The following JAKMIP2 variants were observed in gnomAD, a reference collection of about 807,000 sequenced individuals.
The protein encoded by JAKMIP2 is janus kinase and microtubule-interacting protein 2.
Under a neutral mutation model 115.0 loss-of-function variants are expected in JAKMIP2, and 25 were observed. The ratio of observed to expected loss-of-function variants is 0.22; its 90% CI spans 0.16 to 0.30. The LOEUF (loss-of-function observed/expected upper bound fraction) is 0.30. JAKMIP2 is among the 10% of genes least tolerant of loss of function. The pLI is 1.00. For synonymous variants in JAKMIP2, 334 were observed against 343.6 expected (o/e 0.97, Z 0.31); for missense variants, 642 against 957.6 (o/e 0.67, Z 4.35).
chr5:147,619,564 A>T (rs1011559424), intron 18 of JAKMIP2, among the ~76,000 whole-genome samples: 3 of 152,192 alleles, frequency 2.0e-5, no homozygotes, highest in Admixed American at 2.0e-4. Flanking sequence ...ATGTTCCTTT[A>T]ACTTGCTCTT....
chr5:147,606,231 G>T (rs1169340589), intron 20 of JAKMIP2, among the ~76,000 whole-genome samples: 1 of 152,048 alleles, frequency 6.6e-6, no homozygotes, highest in African/African-American at 2.4e-5. Context: ...CATTGCTTTT[G>T]GTGTTTTAGT....
At chr5:147,711,360 A>AT (rs2126912377) in intron 1 of JAKMIP2, among the ~76,000 whole-genome samples, 1 of 152,298 alleles carries the variant, frequency 6.6e-6, no homozygotes, top group South Asian at 2.1e-4. Flanking sequence ...TTTATTTTGC[A>AT]TTGGGTACTT....
intron 1 of JAKMIP2, among the ~76,000 whole-genome samples, chr5:147,775,466 A>G (rs914509024): frequency 1.3e-5 from 2 of 152,208 alleles, no homozygotes; most frequent in African/African-American, 4.8e-5. Context: ...AAAGGTATTC[A>G]TTAATGATGT....
At chr5:147,597,501 G>A (rs1473915068) in intron 21 of JAKMIP2, among the ~76,000 whole-genome samples, 1 of 152,084 alleles carries the variant, frequency 6.6e-6, no homozygotes, top group African/African-American at 2.4e-5. Flanking sequence ...CAGTAAAAAT[G>A]AGCTAGGCCA....
chr5:147,774,606 T>G (rs1183287902), intron 1 of JAKMIP2, among the ~76,000 whole-genome samples: 1 of 152,150 alleles, frequency 6.6e-6, no homozygotes, highest in Non-Finnish European at 1.5e-5. Flanking sequence ...TAATTTCATT[T>G]TGGAAAATAG....
At chr5:147,706,521 C>T (rs1561549839) in intron 1 of JAKMIP2, among the ~76,000 whole-genome samples, 1 of 152,074 alleles carries the variant, frequency 6.6e-6, no homozygotes, top group Non-Finnish European at 1.5e-5. Context: ...GGTCATCTGG[C>T]TTAACAGATA....
chr5:147,745,651 G>T (rs751489616), intron 1 of JAKMIP2, among the ~76,000 whole-genome samples: 1 of 152,132 alleles, frequency 6.6e-6, no homozygotes, highest in Non-Finnish European at 1.5e-5. Flanking sequence ...GCAAAGAATA[G>T]ACTCTCATCT....
At chr5:147,626,366 C>T (rs1581313689) in intron 16 of JAKMIP2, among the ~76,000 whole-genome samples, 1 of 152,288 alleles carries the variant, frequency 6.6e-6, no homozygotes, top group East Asian at 1.9e-4. Context: ...TAAGCAGAGG[C>T]ATGGGCTAAT....
intron 1 of JAKMIP2, among the ~76,000 whole-genome samples, chr5:147,697,472 T>C (rs1008956758): frequency 1.3e-5 from 2 of 152,238 alleles, no homozygotes; most frequent in East Asian, 1.9e-4. Context: ...ACCAAAACAA[T>C]GGAGAATATG....
intron 1 of JAKMIP2, among the ~76,000 whole-genome samples, chr5:147,690,554 T>C (rs1299813503): frequency 1.1e-5 from 1 of 88,644 alleles, no homozygotes; most frequent in East Asian, 2.7e-4. Flanking sequence ...TATATATATA[T>C]ATATATATAT....
chr5:147,687,950 C>T (rs1433027033), intron 1 of JAKMIP2, among the ~76,000 whole-genome samples: 1 of 152,204 alleles, frequency 6.6e-6, no homozygotes, highest in African/African-American at 2.4e-5. Flanking sequence ...CATTCATTGA[C>T]TCAGTTAATG....
intron 1 of JAKMIP2, among the ~76,000 whole-genome samples, chr5:147,780,463 T>G (rs994083309): frequency 2.0e-5 from 3 of 152,218 alleles, no homozygotes; most frequent in Admixed American, 6.5e-5. Flanking sequence ...AAGTGTGCTA[T>G]AGGCATATCT....
At chr5:147,652,574 TA>T (rs1353480859) in intron 3 of JAKMIP2, among the ~76,000 whole-genome samples, 1 of 151,934 alleles carries the variant, frequency 6.6e-6, no homozygotes, top group Non-Finnish European at 1.5e-5. Flanking sequence ...AGGCACAGAG[TA>T]AAAAGAAGGA....
chr5:147,690,356 A>T (rs1751769466), intron 1 of JAKMIP2, among the ~76,000 whole-genome samples: 1 of 151,846 alleles, frequency 6.6e-6, no homozygotes, highest in South Asian at 2.1e-4. Flanking sequence ...AAAAACAAAA[A>T]TAAAAAAGGG....
At chr5:147,774,627 G>A (rs1054012248) in intron 1 of JAKMIP2, among the ~76,000 whole-genome samples, 6 of 152,044 alleles carry the variant, frequency 3.9e-5, no homozygotes, top group African/African-American at 1.4e-4. Context: ...GTTCAAATTA[G>A]GTATGCTTGA....
chr5:147,742,336 C>T (rs191824694), intron 1 of JAKMIP2, among the ~76,000 whole-genome samples: 6 of 151,866 alleles, frequency 4.0e-5, no homozygotes, highest in Admixed American at 6.6e-5. Flanking sequence ...TCCAGGATTA[C>T]GCTAACATTC....
At chr5:147,765,875 A>C (rs1580897442) in intron 1 of JAKMIP2, among the ~76,000 whole-genome samples, 1 of 152,182 alleles carries the variant, frequency 6.6e-6, no homozygotes, top group East Asian at 1.9e-4. Flanking sequence ...AATATATTCT[A>C]AACATCTTTG....
intron 1 of JAKMIP2, among the ~76,000 whole-genome samples, chr5:147,718,293 T>G (rs1280011931): frequency 1.3e-5 from 2 of 150,012 alleles, no homozygotes; most frequent in Non-Finnish European, 3.0e-5. Context: ...ATCAAGGATA[T>G]TGGTCTAAAA....
rs768481105 is a variant in JAKMIP2, at chr5:147,627,678, T to TAAAA, written c.1995+1069_1995+1072dup. ...ATCTCTAACAGATAAAGCCTTTCTG[T>TAAAA]AAAAAAAAAAAAAAAAAAAAAAAAA... On this transcript the variant is annotated intron_variant, in intron 16 of 21. Transcript: ENST00000616793. Among the ~76,000 whole-genome samples the TAAAA allele has an allele frequency of 9.5e-4, 67 of 70,324 alleles. 5 individuals are homozygous for TAAAA. Among genetic ancestry groups the TAAAA allele is most frequent in the Admixed American group, 3.0e-3 (13 of 4,266 alleles). The allele number at this position is 70,324 out of a possible 152,430, so 46.1% of individuals were successfully genotyped here.
Sources: gnomAD v4.1 joint callset for allele counts (sites outside exome capture counted in the v4.1 genomes callset) on GRCh38, gnomAD v4.1.1 for gene constraint, MANE v1.5 for transcripts, NCBI Gene and HGNC (gene_info 2026-07-23, HGNC 2026-07-21) for gene names.